The following NRG1 variants were observed in gnomAD, a reference collection of about 807,000 sequenced individuals.
NRG1 encodes the protein pro-neuregulin-1, membrane-bound isoform.
A neutral mutation model predicts 63.8 loss-of-function variants in NRG1; 18 were observed. The ratio of observed to expected loss-of-function variants is 0.28; its 90% confidence interval spans 0.19 to 0.42. The LOEUF (loss-of-function observed/expected upper bound fraction) is 0.42, where lower values mean the gene tolerates loss of function less well. Ranked by LOEUF, NRG1 falls within the 10% of genes least tolerant of loss-of-function variation. The pLI, the probability that NRG1 is intolerant of heterozygous loss-of-function variation, is 1.00. For missense variants in NRG1, 762 were observed against 814.7 expected, an observed-to-expected ratio of 0.94 and a Z score of 0.79; for synonymous variants, 302 against 301.3, an observed-to-expected ratio of 1.00 and a Z score of -0.02.
chr8:32,435,650 G>T (rs569054269), intron 1 of NRG1, among the ~76,000 whole-genome samples: 2 of 152,252 alleles, frequency 1.3e-5, no homozygotes, highest in African/African-American at 4.8e-5. Context: ...TTTTACATTT[G>T]TAAGTAAAGA....
In NRG1 at chr8:32,610,200, C is replaced by T. The variant is rs139816387; in HGVS notation, c.401-4314C>T. Reference sequence around the variant, plus strand: ...TATACAGGTTTCCTTGATGAATGATCCTTGTAGGTTGCTGCAATCTAATTA... The same window carrying T: ...TATACAGGTTTCCTTGATGAATGATTCTTGTAGGTTGCTGCAATCTAATTA... On this transcript the variant is annotated intron_variant, in intron 3 of 11. Coordinates refer to ENST00000356819, the Ensembl canonical transcript of NRG1. 7.4e-3 allele frequency among the ~76,000 whole-genome samples: 1,130 copies of T among 152,148 alleles called. 17 individuals are homozygous for T. The highest frequency in any genetic ancestry group is 0.026 in the African/African-American group (1,060 of 41,520).
At chr8:32,646,892 G>T (rs961418630) in intron 5 of NRG1, 1 of 984,860 alleles carries the variant, frequency 1.0e-6, no homozygotes, top group Non-Finnish European at 1.2e-6. Flanking sequence ...GGGGAGTGGG[G>T]GTTGGGAGAG....
chr8:31,663,102 T>G (rs547360658), intron 1 of NRG1, among the ~76,000 whole-genome samples: 1 of 152,276 alleles, frequency 6.6e-6, no homozygotes, highest in African/African-American at 2.4e-5. Flanking sequence ...ACCAGGGGTC[T>G]GTATGTGCTG....
At chr8:32,068,710 A>G (rs1170530532) in intron 1 of NRG1, among the ~76,000 whole-genome samples, 1 of 152,244 alleles carries the variant, frequency 6.6e-6, no homozygotes, top group African/African-American at 2.4e-5. Flanking sequence ...AACCAGGCCA[A>G]GGTGAGGCAT....
At chr8:31,732,945 T>C (rs1433848786) in intron 1 of NRG1, among the ~76,000 whole-genome samples, 1 of 152,118 alleles carries the variant, frequency 6.6e-6, no homozygotes, top group African/African-American at 2.4e-5. Context: ...TAATTTCTCA[T>C]TATTTATTCC....
intron 6 of NRG1, among the ~76,000 whole-genome samples, chr8:32,735,252 G>T (rs1824718902): frequency 6.6e-6 from 1 of 152,168 alleles, no homozygotes; most frequent in Non-Finnish European, 1.5e-5. Flanking sequence ...GTGAATAGTA[G>T]ATTTTTTTAT....
intron 9 of NRG1, among the ~76,000 whole-genome samples, chr8:32,758,057 A>G (rs1211607151): frequency 2.0e-5 from 3 of 152,216 alleles, no homozygotes; most frequent in East Asian, 1.9e-4. Flanking sequence ...AGTTTCAAGC[A>G]TAATTCAAGC....
chr8:32,723,107 T>C (rs1364550167), intron 5 of NRG1, among the ~76,000 whole-genome samples: 1 of 151,714 alleles, frequency 6.6e-6, no homozygotes, highest in Non-Finnish European at 1.5e-5. Flanking sequence ...TTGTGTGCAG[T>C]GTTGCAACTG....
At chr8:31,677,805 TTTTA>T (rs1313014839) in intron 1 of NRG1, among the ~76,000 whole-genome samples, 1 of 152,192 alleles carries the variant, frequency 6.6e-6, no homozygotes, top group African/African-American at 2.4e-5. Flanking sequence ...TTTATTTTAC[TTTTA>T]TTTGTCAGTT....
At chr8:32,554,268 T>C (rs547538327) in intron 1 of NRG1, among the ~76,000 whole-genome samples, 1 of 152,320 alleles carries the variant, frequency 6.6e-6, no homozygotes, top group East Asian at 1.9e-4. Context: ...TTTGGATTTC[T>C]CCTAATTTTG....
chr8:31,790,379 G>A (rs1398343921), intron 1 of NRG1, among the ~76,000 whole-genome samples: 4 of 152,032 alleles, frequency 2.6e-5, no homozygotes, highest in Admixed American at 1.3e-4. Flanking sequence ...TTAGATTTGG[G>A]CTCACCGTTT....
At chr8:32,196,602 G>A (rs1177192664) in intron 1 of NRG1, among the ~76,000 whole-genome samples, 1 of 151,958 alleles carries the variant, frequency 6.6e-6, no homozygotes, top group Non-Finnish European at 1.5e-5. Flanking sequence ...GAACAGAGAA[G>A]GAGGCAGTTT....
intron 1 of NRG1, among the ~76,000 whole-genome samples, chr8:31,957,564 G>A (rs1229920229): frequency 6.7e-6 from 1 of 149,094 alleles, no homozygotes; most frequent in Non-Finnish European, 1.5e-5. Flanking sequence ...TTTCCAAAAA[G>A]TAATTTCATC....
intron 1 of NRG1, among the ~76,000 whole-genome samples, chr8:31,860,263 G>C (rs1243906214): frequency 6.6e-6 from 1 of 152,088 alleles, no homozygotes; most frequent in African/African-American, 2.4e-5. Context: ...CAATGTCAGG[G>C]GCCAAGTTCA....
At chr8:32,176,521 A>G (rs1228442258) in intron 1 of NRG1, among the ~76,000 whole-genome samples, 1 of 152,214 alleles carries the variant, frequency 6.6e-6, no homozygotes, top group Non-Finnish European at 1.5e-5. Context: ...AAAAGAAACT[A>G]CCATCAGAGT....
At chr8:31,683,217 A>G (rs1384326604) in intron 1 of NRG1, among the ~76,000 whole-genome samples, 1 of 152,152 alleles carries the variant, frequency 6.6e-6, no homozygotes, top group Admixed American at 6.6e-5. Flanking sequence ...AATGAGTTGA[A>G]ATGTCCACAC....
intron 1 of NRG1, among the ~76,000 whole-genome samples, chr8:32,179,187 T>TAAAAAA (rs35411561): frequency 1.5e-5 from 1 of 66,514 alleles, no homozygotes; most frequent in African/African-American, 6.5e-5. Context: ...CTCACAGTCA[T>TAAAAAA]AAAAAAAAAA....
chr8:31,991,291 T>G (rs542883926), intron 1 of NRG1, among the ~76,000 whole-genome samples: 2 of 151,876 alleles, frequency 1.3e-5, no homozygotes, highest in African/African-American at 4.8e-5. Context: ...CAACAACTTC[T>G]TCTTCTTCTT....
chr8:31,880,087 G>T (rs748648302), intron 1 of NRG1, among the ~76,000 whole-genome samples: 5 of 152,158 alleles, frequency 3.3e-5, no homozygotes, highest in Non-Finnish European at 7.3e-5. Flanking sequence ...ATTGGTGGGA[G>T]TGTAAATTAG....
Sources: gnomAD v4.1 joint callset for allele counts (sites outside exome capture counted in the v4.1 genomes callset) on GRCh38, gnomAD v4.1.1 for gene constraint, MANE v1.5 for transcripts, NCBI Gene and HGNC (gene_info 2026-07-23, HGNC 2026-07-21) for gene names.